The following AKAP13 variants were observed in gnomAD, a reference collection of about 807,000 sequenced individuals.
AKAP13 encodes the protein A-kinase anchoring protein 13, also known as A-kinase anchor protein 13.
A neutral mutation model predicts 264.5 loss-of-function variants in AKAP13; 80 were observed. The ratio of observed to expected loss-of-function variants is 0.30; its 90% CI spans 0.25 to 0.36. The LOEUF is 0.36. AKAP13 is among the 10% of genes least tolerant of loss of function. The pLI, the probability that AKAP13 is intolerant of heterozygous loss-of-function variation, is 1.00. For synonymous variants in AKAP13, 1,380 were observed against 1,250.2 expected (o/e 1.10, Z -2.19); for missense variants, 3,712 against 3,435.2 (o/e 1.08, Z -2.01).
At chr15:85,602,830 A>G (rs939845282) in intron 8 of AKAP13, among the ~76,000 whole-genome samples, 5 of 152,220 alleles carry the variant, frequency 3.3e-5, no homozygotes, top group African/African-American at 4.8e-5. Context: ...ATAATTTTGT[A>G]AAATCCTACA....
At chr15:85,469,038 C>T (rs1331987672) in intron 1 of AKAP13, among the ~76,000 whole-genome samples, 3 of 137,208 alleles carry the variant, frequency 2.2e-5, no homozygotes, top group African/African-American at 9.0e-5. Context: ...CCTCGGCCTC[C>T]CCAGTAGCTT....
At chr15:85,697,003 G>A (rs12443499) in intron 17 of AKAP13, among the ~76,000 whole-genome samples, 18,057 of 152,166 alleles carry the variant, frequency 0.12, 1,304 homozygotes, top group East Asian at 0.2. Flanking sequence ...AGTTTACACC[G>A]TCTGTATGTG....
At chr15:85,455,144 G>T (rs2074240277) in intron 1 of AKAP13, among the ~76,000 whole-genome samples, 1 of 151,992 alleles carries the variant, frequency 6.6e-6, no homozygotes, top group African/African-American at 2.4e-5. Context: ...AGGACTTCTG[G>T]ATCTTCAGTC....
chr15:85,444,076 A>C (rs1029544855), intron 1 of AKAP13, among the ~76,000 whole-genome samples: 7 of 152,166 alleles, frequency 4.6e-5, no homozygotes, highest in Non-Finnish European at 8.8e-5. Flanking sequence ...TTGGGGCTAT[A>C]ATGAGTACAA....
In AKAP13 at chr15:85,747,827, T is replaced by C. The variant is rs1036879742; in HGVS notation, c.*3150T>C. 8 of 153,154 alleles carry C rather than the reference T, an allele frequency of 5.2e-5. No individual in the cohort carries two copies. The highest frequency in any genetic ancestry group is 1.9e-4 in the African/African-American group (8 of 41,452). 9.5% of individuals were successfully genotyped at this position (153,154 alleles called of 1,614,324 possible). A position where few individuals can be genotyped will look rare whatever the true frequency, so the allele number is the denominator to read the frequency against. ...TTGGAAAGGTACGAATCTTAACTTTTTTCCCCTTCTGTGTCTCAGGGTAAT... is the reference window on the plus strand; with the variant it reads ...TTGGAAAGGTACGAATCTTAACTTTCTTCCCCTTCTGTGTCTCAGGGTAAT... On this transcript the variant is annotated 3_prime_UTR_variant, in exon 37 of 37. Coordinates refer to ENST00000394518, the MANE Select transcript of AKAP13 (RefSeq NM_007200.5).
intron 1 of AKAP13, among the ~76,000 whole-genome samples, chr15:85,458,943 T>C (rs1411956944): frequency 6.6e-6 from 1 of 152,206 alleles, no homozygotes; most frequent in Non-Finnish European, 1.5e-5. Flanking sequence ...GTGTGTTGCA[T>C]TGAGTCATAC....
intron 8 of AKAP13, among the ~76,000 whole-genome samples, chr15:85,638,511 TTTCTC>T (rs1380894340): frequency 6.6e-6 from 1 of 152,192 alleles, no homozygotes; most frequent in African/African-American, 2.4e-5. Context: ...TTTTTCAAGT[TTTCTC>T]TATCTTGCTG....
Position 85,658,610 on chromosome 15 carries a change from G to C in AKAP13, c.4799+20G>C, listed in dbSNP as rs753761731. On this transcript the variant is annotated intron_variant, in intron 12 of 36. Transcript: ENST00000394518. ...GAGAAGGTACAGAGTTCATTAACTT[G>C]ATGGACTAACCATGTCACCTCTGAG... 6.2e-7 allele frequency: 1 copy of C among 1,604,958 alleles called. No homozygotes were observed. The highest frequency in any genetic ancestry group is 1.1e-5 in the South Asian group (1 of 90,632).
intron 8 of AKAP13, among the ~76,000 whole-genome samples, chr15:85,623,627 C>G (rs1215744980): frequency 6.6e-6 from 1 of 152,200 alleles, no homozygotes; most frequent in East Asian, 1.9e-4. Flanking sequence ...ATCAGCTCTT[C>G]TGTCCCATCA....
At chr15:85,671,292 C>G (rs1317325077) in intron 14 of AKAP13, among the ~76,000 whole-genome samples, 2 of 151,856 alleles carry the variant, frequency 1.3e-5, no homozygotes, top group African/African-American at 4.8e-5. Context: ...ATGACTCTAG[C>G]CAGACATGCT....
intron 1 of AKAP13, among the ~76,000 whole-genome samples, chr15:85,454,346 A>G (rs541377122): frequency 1.3e-5 from 2 of 152,216 alleles, no homozygotes; most frequent in Admixed American, 6.5e-5. Flanking sequence ...CTTAACCTGA[A>G]GTTTGCAAAG....
chr15:85,479,696 A>T (rs572648943), intron 1 of AKAP13, among the ~76,000 whole-genome samples: 1 of 152,284 alleles, frequency 6.6e-6, no homozygotes, highest in African/African-American at 2.4e-5. Context: ...TGCTGAGATC[A>T]CCAAGTTAAC....
chr15:85,608,843 G>C (rs530645523), intron 8 of AKAP13, among the ~76,000 whole-genome samples: 1 of 152,308 alleles, frequency 6.6e-6, no homozygotes, highest in South Asian at 2.1e-4. Context: ...AGGGAGATTA[G>C]ACTGGATGAA....
chr15:85,576,692 A>G (rs960248612), intron 6 of AKAP13, among the ~76,000 whole-genome samples: 5 of 152,198 alleles, frequency 3.3e-5, no homozygotes, highest in Non-Finnish European at 5.9e-5. Flanking sequence ...GAAATTCCAT[A>G]GGGTTATGTG....
At chr15:85,665,183 A>G (rs1443614420) in intron 13 of AKAP13, among the ~76,000 whole-genome samples, 1 of 152,188 alleles carries the variant, frequency 6.6e-6, no homozygotes, top group Non-Finnish European at 1.5e-5. Flanking sequence ...AGCCTGGGTG[A>G]CAGAGCAAGA....
intron 2 of AKAP13, 99 bp from the exon 3 acceptor site, chr15:85,521,329 T>A (rs549551847): frequency 7.1e-7 from 1 of 1,409,484 alleles, no homozygotes; most frequent in African/African-American, 1.4e-5. Context: ...ATGGTTTAGA[T>A]GATAAATTTG....
chr15:85,578,929 G>A lies in AKAP13; in HGVS notation c.862-1G>A. Reference sequence around the variant, plus strand: ...TAAAAGTGTATTTCATTTCCTCCTAGAAAACAAACCTCAAGCAGATGGACA... The same window carrying A: ...TAAAAGTGTATTTCATTTCCTCCTAAAAAACAAACCTCAAGCAGATGGACA... On this transcript the variant is annotated splice_acceptor_variant, in intron 6 of 36. Coordinates refer to ENST00000394518, the MANE Select transcript of AKAP13 (RefSeq NM_007200.5). LOFTEE classifies it high-confidence loss of function. The A allele has an allele frequency of 6.2e-7, 1 of 1,602,316 alleles. No homozygotes were observed. Among genetic ancestry groups the A allele is most frequent in the Non-Finnish European group, 8.5e-7 (1 of 1,171,640 alleles).
rs571955123 is a variant in AKAP13 at position 85,413,072 on chromosome 15, G to A, written c.-12+32274G>A. 1.5e-4 allele frequency among the ~76,000 whole-genome samples: 23 copies of A among 152,326 alleles called. No individual in the cohort carries two copies. The South Asian group carries it at 4.8e-3, about 32-fold the overall frequency. ...GCGCTTTTCATCAGGATGTTCTGCT[G>A]CCTCACAGAAAAGTTTGTAAGTCGG... On this transcript the variant is annotated intron_variant, in intron 1 of 36. Coordinates refer to ENST00000394518, the MANE Select transcript of AKAP13 (RefSeq NM_007200.5).
At chr15:85,486,816 G>A (rs2075566396) in intron 2 of AKAP13, among the ~76,000 whole-genome samples, 1 of 140,878 alleles carries the variant, frequency 7.1e-6, no homozygotes, top group Non-Finnish European at 1.5e-5. Flanking sequence ...TTGGCTCACT[G>A]CGAGCTCCGC....
Sources: gnomAD v4.1 joint callset for allele counts (sites outside exome capture counted in the v4.1 genomes callset) on GRCh38, gnomAD v4.1.1 for gene constraint, MANE v1.5 for transcripts, NCBI Gene and HGNC (gene_info 2026-07-23, HGNC 2026-07-21) for gene names.